The following MATR3 variants were observed in gnomAD, a reference collection of about 807,000 sequenced individuals.
MATR3 encodes the protein matrin 3.
In MATR3, 4 loss-of-function variants were observed where a neutral mutation model predicts 85.5. That is an observed-to-expected ratio of 0.05 (90% confidence interval 0.02 to 0.11). MATR3 has a LOEUF of 0.11. Ranked by LOEUF, MATR3 falls within the 10% of genes least tolerant of loss-of-function variation. MATR3 has a pLI of 1.00. For synonymous variants in MATR3, 336 were observed against 343.1 expected (o/e 0.98, Z 0.23); for missense variants, 685 against 1,016.1 (o/e 0.67, Z 4.43).
At chr5:139,319,651 C>T (rs1416908401) in intron 9 of MATR3, 150 bp downstream of exon 9, 4 of 640,266 alleles carry the variant, frequency 6.2e-6, no homozygotes, top group East Asian at 2.9e-5. Flanking sequence ...AGTTCGAGAC[C>T]AGCCTGGCCA....
At chr5:139,305,158 G>T (rs1400781496) in intron 1 of MATR3, among the ~76,000 whole-genome samples, 1 of 152,082 alleles carries the variant, frequency 6.6e-6, no homozygotes, top group African/African-American at 2.4e-5. Context: ...CGTTGTCATG[G>T]GATTTACATT....
chr5:139,277,229 C>T (rs533131586), intron 2 of MATR3, among the ~76,000 whole-genome samples: 2 of 151,496 alleles, frequency 1.3e-5, no homozygotes, highest in South Asian at 4.2e-4. Context: ...AGGCTGGTCT[C>T]GAACTCCTGG....
intron 2 of MATR3, among the ~76,000 whole-genome samples, chr5:139,309,215 A>G (rs1204806420): frequency 6.6e-6 from 1 of 152,060 alleles, no homozygotes; most frequent in Admixed American, 6.5e-5. Context: ...ACTCATTCTG[A>G]CTTTTTTTCC....
At chr5:139,321,783 AAAAAAG>A in intron 9 of MATR3, 109 bp from the exon 10 acceptor site, 4 of 170,274 alleles carry the variant, frequency 2.3e-5, no homozygotes, top group Non-Finnish European at 4.2e-5. Context: ...ACCCTGTCTC[AAAAAAG>A]AAAAAAAGTA....
chr5:139,317,606 G>C lies in MATR3; in HGVS notation c.1193G>C (p.Arg398Thr). 6.2e-7 allele frequency: 1 copy of C among 1,611,710 alleles called. No individual in the cohort carries two copies. ...TCCCCTAATGGATAGGAAACTAGCA[G>C]AGTTGTTCACATCATGGATTTTCAA... ...HMQKGRVETS[R>T]VVHIMDFQRG... Residue 398 changes from arginine (R) to threonine (T), a missense_variant, in exon 7 of 15, where the codon AGA becomes ACA. Physicochemically the swap from Arg to Thr is moderately conservative, Grantham distance 71. Transcript: ENST00000394805.
At chr5:139,292,569 AGT>A (rs1297603072), upstream of MATR3, among the ~76,000 whole-genome samples, 1 of 152,094 alleles carries the variant, frequency 6.6e-6, no homozygotes, top group Non-Finnish European at 1.5e-5. Context: ...CAGTCCCAAG[AGT>A]GTATTGCATT....
intron 1 of MATR3, among the ~76,000 whole-genome samples, chr5:139,298,177 C>T (rs1754257150): frequency 6.6e-6 from 1 of 152,040 alleles, no homozygotes; most frequent in Non-Finnish European, 1.5e-5. Context: ...ATTAACCGTC[C>T]CTCTTAACAC....
intron 3 of MATR3, chr5:139,283,147 A>G (rs1753591418): frequency 6.6e-6 from 1 of 152,258 alleles, no homozygotes; most frequent in Non-Finnish European, 1.5e-5. Flanking sequence ...ATAGTAGAGG[A>G]TGGGGATTTT....
chr5:139,280,771 C>T (rs1753486613), intron 3 of MATR3: 1 of 152,160 alleles, frequency 6.6e-6, no homozygotes, highest in African/African-American at 2.4e-5. Context: ...AGGTTGTCTT[C>T]CTGACTACAG....
At chr5:139,301,429 C>T (rs1581225658) in intron 1 of MATR3, among the ~76,000 whole-genome samples, 1 of 151,984 alleles carries the variant, frequency 6.6e-6, no homozygotes, top group African/African-American at 2.4e-5. Flanking sequence ...AAGAGATTCT[C>T]CTGCCTCAGC....
Position 139,325,434 on chromosome 5 carries a change from A to G in MATR3, c.2149-6A>G. 1 of 1,614,200 alleles carries G rather than the reference A, an allele frequency of 6.2e-7. No individual in the cohort carries two copies. Among genetic ancestry groups the G allele is most frequent in the Non-Finnish European group, 8.5e-7 (1 of 1,180,036 alleles). Reference sequence around the variant, plus strand: ...CAAAAATGATGATGGTTTGGTTGAAATTAAGGTGGACAAGATCGAGGAACT... The same window carrying G: ...CAAAAATGATGATGGTTTGGTTGAAGTTAAGGTGGACAAGATCGAGGAACT... On this transcript the variant is annotated splice_polypyrimidine_tract_variant and splice_region_variant and intron_variant, in intron 12 of 14. Coordinates refer to ENST00000394805, the MANE Select transcript of MATR3 (RefSeq NM_018834.6).
At chr5:139,319,253 A>G in intron 8 of MATR3, 81 bp from the exon 9 acceptor site, 4 of 1,440,042 alleles carry the variant, frequency 2.8e-6, no homozygotes, top group Non-Finnish European at 3.9e-6. Context: ...AAATAAAACA[A>G]TTGGTAAAGA....
intron 14 of MATR3, 136 bp downstream of exon 14, chr5:139,326,420 TAC>T: frequency 7.5e-6 from 6 of 804,834 alleles, no homozygotes; most frequent in South Asian, 5.6e-5. Context: ...ACTTTTTATT[TAC>T]TTTTTTTTTT....
chr5:139,304,263 C>T (rs927949896), intron 1 of MATR3, among the ~76,000 whole-genome samples: 8 of 152,046 alleles, frequency 5.3e-5, no homozygotes, highest in African/African-American at 1.9e-4. Context: ...AATCCCAGCA[C>T]TTTGAGAGGA....
intron 2 of MATR3, chr5:139,314,215 C>T (rs991019820): frequency 3.8e-5 from 7 of 184,616 alleles, no homozygotes; most frequent in African/African-American, 9.5e-5. Flanking sequence ...CCATGCTCGG[C>T]CTAAAAGATT....
chr5:139,330,965 T>G lies in MATR3; in HGVS notation c.*1570T>G, dbSNP rs1050315023. The G allele has an allele frequency of 8.4e-5, 38 of 454,004 alleles. No individual in the cohort carries two copies. The highest frequency in any genetic ancestry group is 7.5e-4 in the Admixed American group (32 of 42,560). 28.1% of individuals were successfully genotyped at this position (454,004 alleles called of 1,614,324 possible). On this transcript the variant is annotated 3_prime_UTR_variant, in exon 15 of 15. Coordinates refer to ENST00000394805, the MANE Select transcript of MATR3 (RefSeq NM_018834.6). ...GCCACTATACCTGGCTAGTTTTTGG[T>G]TTTTTTGTATAGATGGGGCTTTGCC...
chr5:139,299,305 C>G (rs1754321600), intron 1 of MATR3, among the ~76,000 whole-genome samples: 1 of 152,136 alleles, frequency 6.6e-6, no homozygotes, highest in Non-Finnish European at 1.5e-5. Context: ...GCAGACGTTT[C>G]TGTAAGGTGT....
chr5:139,307,169 GTTTT>G lies in MATR3; in HGVS notation c.-177-64_-177-61del, dbSNP rs543799073. The G allele has an allele frequency of 7.5e-6, 8 of 1,065,746 alleles. No homozygotes were observed. The highest frequency in any genetic ancestry group is 3.7e-5 in the South Asian group (1 of 27,334). 66.0% of individuals were successfully genotyped at this position (1,065,746 alleles called of 1,614,324 possible). A position where few individuals can be genotyped will look rare whatever the true frequency, so the allele number is the denominator to read the frequency against. On this transcript the variant is annotated intron_variant, in intron 1 of 14. Coordinates refer to ENST00000394805, the MANE Select transcript of MATR3 (RefSeq NM_018834.6). This position sits in a 1 kb window ranked among gnomAD's most constrained non-coding sequence, Gnocchi z 4.4. ...TTTTTTAAATCAACATGATGCATAA[GTTTT>G]TTTTTCTTAAAAAAACGGCATCTGC...
At chr5:139,292,633 C>T (rs1467669762), upstream of MATR3, among the ~76,000 whole-genome samples, 1 of 152,182 alleles carries the variant, frequency 6.6e-6, no homozygotes, top group Admixed American at 6.5e-5. Flanking sequence ...AAAAGGCTCG[C>T]GGTCCTCCGC....
Sources: allele counts gnomAD v4.1 joint callset (sites outside exome capture counted in the v4.1 genomes callset), GRCh38; gene constraint gnomAD v4.1.1; non-coding constraint Gnocchi (gnomAD v3.1); transcripts MANE v1.5; gene names NCBI Gene and HGNC (gene_info 2026-07-23, HGNC 2026-07-21).